TRANK1: variants seen among roughly 807,000 people sequenced by gnomAD.
The protein encoded by TRANK1 is TPR and ankyrin repeat-containing protein 1.
In TRANK1, 198 loss-of-function variants were observed where a neutral mutation model predicts 266.0. The ratio of observed to expected loss-of-function variants is 0.74; its 90% CI spans 0.66 to 0.84. The LOEUF is 0.84. Among genes scored for constraint, TRANK1 ranks in the 40% least tolerant of loss-of-function variants. The pLI, the probability that TRANK1 is intolerant of heterozygous loss-of-function variation, is 0.00. For synonymous variants in TRANK1, 1,396 were observed against 1,384.1 expected, an observed-to-expected ratio of 1.01 and a Z score of -0.19; for missense variants, 3,326 against 3,634.6, an observed-to-expected ratio of 0.92 and a Z score of 2.18.
rs376520986 is a variant in TRANK1 at position 36,856,352 on chromosome 3, C to T, written c.3370G>A (p.Gly1124Arg). ...WLKRRLEVEP[G>R]KESPGGEEEE... ...TCCTCCCCACCTGGACTCTCTTTTC[C>T]GGGTTCCACTTCCAACCTTCTCTTC... The change falls in exon 13 of 24, where the codon GGA becomes AGA. Residue 1124 changes from glycine (G) to arginine (R), a missense_variant. Transcript: ENST00000645898. The T allele has an allele frequency of 7.5e-5, 119 of 1,576,586 alleles. 2 individuals are homozygous for T. Among genetic ancestry groups the T allele is most frequent in the African/African-American group, 2.3e-4 (17 of 73,930 alleles).
At chr3:36,869,674 CAACT>C (rs1256003452) in intron 9 of TRANK1, among the ~76,000 whole-genome samples, 3 of 152,250 alleles carry the variant, frequency 2.0e-5, no homozygotes, top group Non-Finnish European at 4.4e-5. Flanking sequence ...CCAGTCTCTT[CAACT>C]ACTTTCTGGA....
At chr3:36,934,979 C>T (rs1292919745) in intron 1 of TRANK1, among the ~76,000 whole-genome samples, 4 of 152,184 alleles carry the variant, frequency 2.6e-5, no homozygotes, top group Non-Finnish European at 5.9e-5. Context: ...CCACCCTCAC[C>T]CAGCTCCAGC....
At chr3:36,926,986 C>A (rs572613040) in intron 1 of TRANK1, among the ~76,000 whole-genome samples, 1 of 152,314 alleles carries the variant, frequency 6.6e-6, no homozygotes, top group Non-Finnish European at 1.5e-5. Context: ...CATGAAATAT[C>A]TTGTTTTGCG....
At position 36,914,282 on chromosome 3, in the gene TRANK1, C is replaced by T. The variant is rs189499865; in HGVS notation, c.24-5828G>A. ...CTAAGTAGCTGGGATTACAGGCGCACGCCACCATGCCAGGCTAATTTTTGT... is the reference window on the plus strand; with the variant it reads ...CTAAGTAGCTGGGATTACAGGCGCATGCCACCATGCCAGGCTAATTTTTGT... On this transcript the variant is annotated intron_variant, in intron 1 of 23. Coordinates refer to ENST00000645898, the MANE Select transcript of TRANK1 (RefSeq NM_001329998.2). Among the ~76,000 whole-genome samples, 309 of 151,722 alleles carry T rather than the reference C, an allele frequency of 2.0e-3. 1 individual carries two copies. Among genetic ancestry groups the T allele is most frequent in the African/African-American group, 7.2e-3 (297 of 41,352 alleles).
chr3:36,879,691 T>TATATAA lies in TRANK1; in HGVS notation c.908-5401_908-5396dup, dbSNP rs1182787332. Among the ~76,000 whole-genome samples, 11 of 104,760 alleles carry TATATAA rather than the reference T, an allele frequency of 1.1e-4. 1 individual carries two copies. Among genetic ancestry groups the TATATAA allele is most frequent in the East Asian group, 3.5e-4 (1 of 2,846 alleles). The allele number at this position is 104,760 out of a possible 152,430, so 68.7% of individuals were successfully genotyped here. A position where few individuals can be genotyped will look rare whatever the true frequency, so the allele number is the denominator to read the frequency against. On this transcript the variant is annotated intron_variant, in intron 8 of 23. Transcript: ENST00000645898. ...ATATATAAATATATAAATATATAAA[T>TATATAA]ATATAAATATAAATATAAATATATA...
chr3:36,944,748 G>A (rs933470724), intron 1 of TRANK1, 39 bp downstream of exon 1: 8 of 1,502,000 alleles, frequency 5.3e-6, no homozygotes, highest in African/African-American at 1.5e-5. Flanking sequence ...GGGCCCGGAA[G>A]GCCAGAGATG....
intron 9 of TRANK1, among the ~76,000 whole-genome samples, chr3:36,867,357 A>T (rs146351310): frequency 2.6e-5 from 4 of 152,372 alleles, no homozygotes; most frequent in African/African-American, 9.6e-5. Flanking sequence ...GAACAGAAAC[A>T]TACTAAGCTC....
At chr3:36,865,318 A>G (rs977703196) in intron 9 of TRANK1, among the ~76,000 whole-genome samples, 2 of 151,964 alleles carry the variant, frequency 1.3e-5, no homozygotes, top group African/African-American at 4.8e-5. Flanking sequence ...GAGCCATCAC[A>G]CCCAGCATGC....
intron 8 of TRANK1, among the ~76,000 whole-genome samples, chr3:36,875,498 G>A (rs1201349997): frequency 2.0e-5 from 3 of 152,190 alleles, no homozygotes; most frequent in Non-Finnish European, 4.4e-5. Flanking sequence ...CTCCAGATGA[G>A]AACATAGCCA....
chr3:36,850,441 T>G (rs2078970811), intron 15 of TRANK1: 2 of 985,336 alleles, frequency 2.0e-6, no homozygotes, highest in Non-Finnish European at 2.4e-6. Flanking sequence ...CCATCTACAT[T>G]ACGACTATGA....
rs767870773 is a variant in TRANK1 at position 36,864,301 on chromosome 3, C to A, written c.1240+18G>T. The A allele has an allele frequency of 1.3e-6, 2 of 1,486,858 alleles. No individual in the cohort carries two copies. Among genetic ancestry groups the A allele is most frequent in the East Asian group, 5.0e-5 (2 of 39,980 alleles). The allele number at this position is 1,486,858 out of a possible 1,614,324, so 92.1% of individuals were successfully genotyped here. A position where few individuals can be genotyped will look rare whatever the true frequency, so the allele number is the denominator to read the frequency against. Reference sequence around the variant, plus strand: ...ATAAATCATTTTTAACATCATTGAACGTTGTGGAAAAAATTACCTTGCAGA... The same window carrying A: ...ATAAATCATTTTTAACATCATTGAAAGTTGTGGAAAAAATTACCTTGCAGA... On this transcript the variant is annotated intron_variant, in intron 10 of 23. Coordinates refer to ENST00000645898, the MANE Select transcript of TRANK1 (RefSeq NM_001329998.2).
Position 36,833,096 on chromosome 3 carries a change from G to A in TRANK1, c.6487C>T (p.Gln2163Ter), listed in dbSNP as rs372277379. The A allele has an allele frequency of 3.7e-6, 6 of 1,612,300 alleles. No homozygotes were observed. The African/African-American group carries it at 8.0e-5, about 22-fold the overall frequency. The change falls in exon 22 of 24, where the codon CAA becomes TAA. Residue 2163 changes from glutamine (Q) to a stop codon, truncating the protein, a stop_gained. Transcript: ENST00000645898. LOFTEE classifies it high-confidence loss of function. ...TGTTTGTTTAGGGCTAATTTCACTT[G>A]GTCAGTCATTATCAAAAAATGATCT... ...TKDHFLIMTDQVKLALNKHLL... is the reference protein window; with the variant it reads ...TKDHFLIMTD
At chr3:36,862,992 G>A (rs1403186207) in intron 10 of TRANK1, among the ~76,000 whole-genome samples, 1 of 151,934 alleles carries the variant, frequency 6.6e-6, no homozygotes, top group Non-Finnish European at 1.5e-5. Context: ...CCTACGGCCA[G>A]TTAAGGATAC....
At chr3:36,897,162 C>CGTA (rs1253762298) in intron 4 of TRANK1, among the ~76,000 whole-genome samples, 1 of 150,376 alleles carries the variant, frequency 6.6e-6, no homozygotes, top group Non-Finnish European at 1.5e-5. Context: ...ATTAGCCGGA[C>CGTA]GTGGTGGTGG....
chr3:36,933,140 G>A (rs1371190150), intron 1 of TRANK1, among the ~76,000 whole-genome samples: 2 of 151,396 alleles, frequency 1.3e-5, no homozygotes, highest in Middle Eastern at 3.4e-3. Flanking sequence ...GCTCATTGCA[G>A]ACACCCCTTC....
intron 11 of TRANK1, 46 bp downstream of exon 11, chr3:36,860,860 G>A (rs923591128): frequency 1.3e-6 from 2 of 1,530,400 alleles, no homozygotes; most frequent in African/African-American, 1.4e-5. Flanking sequence ...CCATCACGTG[G>A]AGAATGTGGA....
intron 1 of TRANK1, among the ~76,000 whole-genome samples, chr3:36,929,011 AAG>A (rs1375743032): frequency 6.6e-6 from 1 of 152,338 alleles, no homozygotes; most frequent in Middle Eastern, 3.4e-3. Flanking sequence ...TTTTAATAAA[AAG>A]AGAAGTATCA....
chr3:36,860,908 C>G lies in TRANK1; in HGVS notation c.1493G>C (p.Gly498Ala), dbSNP rs1311813078. The G allele has an allele frequency of 2.6e-6, 4 of 1,537,330 alleles. No homozygotes were observed. Among genetic ancestry groups the G allele is most frequent in the Admixed American group, 3.9e-5 (2 of 51,002 alleles). Reference protein sequence around the residue: ...KQLLGCLIDSGALPDGLQESQ... With the variant: ...KQLLGCLIDSAALPDGLQESQ... The stretch of plus-strand genomic sequence containing the variant: ...GCTTAGCATCCAGTCACTCTCACCT[C>G]CACTGTCTATCAGGCAGCCCAGAAG... The change falls in exon 11 of 24, where the codon GGA becomes GCA. Residue 498 changes from glycine to alanine, a missense_variant and splice_region_variant. Physicochemically the swap from Gly to Ala is moderately conservative, Grantham distance 60 (BLOSUM62 0). Coordinates refer to ENST00000645898, the MANE Select transcript of TRANK1 (RefSeq NM_001329998.2).
intron 3 of TRANK1, among the ~76,000 whole-genome samples, chr3:36,901,407 T>G (rs1199801215): frequency 6.6e-6 from 1 of 152,140 alleles, no homozygotes; most frequent in Non-Finnish European, 1.5e-5. Context: ...CCCACATATA[T>G]ACACCTTCCC....
Sources: allele counts gnomAD v4.1 joint callset (sites outside exome capture counted in the v4.1 genomes callset), GRCh38; gene constraint gnomAD v4.1.1; transcripts MANE v1.5; gene names NCBI Gene and HGNC (gene_info 2026-07-23, HGNC 2026-07-21).